The following LRBA variants were observed in gnomAD, a reference collection of about 807,000 sequenced individuals.
The protein encoded by LRBA is lipopolysaccharide-responsive and beige-like anchor protein.
Under a neutral mutation model 330.0 loss-of-function variants are expected in LRBA, and 176 were observed. That is an observed-to-expected ratio of 0.53 (90% CI 0.47 to 0.60). LRBA has a LOEUF of 0.60. LRBA is among the 20% of genes least tolerant of loss of function. The pLI is 0.00. For missense variants in LRBA, 3,259 were observed against 3,444.8 expected (o/e 0.95, Z 1.35); for synonymous variants, 1,230 against 1,193.0 (o/e 1.03, Z -0.64).
intron 41 of LRBA, among the ~76,000 whole-genome samples, chr4:150,490,260 T>C (rs1222497880): frequency 6.6e-6 from 1 of 151,812 alleles, no homozygotes; most frequent in African/African-American, 2.4e-5. Flanking sequence ...CATCAACCCA[T>C]GTATATATAA....
chr4:150,922,228 C>G (rs1013195875), intron 4 of LRBA, among the ~76,000 whole-genome samples: 1 of 151,982 alleles, frequency 6.6e-6, no homozygotes, highest in Non-Finnish European at 1.5e-5. Flanking sequence ...ATTAAAAATA[C>G]TTAATAATTT....
chr4:150,458,985 T>C (rs2152045277), intron 44 of LRBA, among the ~76,000 whole-genome samples: 1 of 152,040 alleles, frequency 6.6e-6, no homozygotes, highest in South Asian at 2.1e-4. Flanking sequence ...CCATAAGTAG[T>C]GATGTGAACT....
rs560391809 is a variant in LRBA, at chr4:150,419,442, T to C, written c.7042-3852A>G. On this transcript the variant is annotated intron_variant, in intron 46 of 56. Coordinates refer to ENST00000651943, the MANE Select transcript of LRBA (RefSeq NM_001364905.1). ...CTAGGTATCACACAAGCCTGGACTC[T>C]CATTCAAGCCTTGAGAAAAGAAGGT... 2.6e-5 allele frequency among the ~76,000 whole-genome samples: 4 copies of C among 152,228 alleles called. No individual in the cohort carries two copies. The South Asian group carries it at 8.3e-4, about 32-fold the overall frequency.
chr4:150,869,024 T>G (rs1753087856), intron 20 of LRBA, among the ~76,000 whole-genome samples: 1 of 152,152 alleles, frequency 6.6e-6, no homozygotes. Flanking sequence ...CATCATAATT[T>G]ATGGTATGCA....
chr4:150,446,900 T>C (rs1415156124), intron 44 of LRBA, among the ~76,000 whole-genome samples: 2 of 152,166 alleles, frequency 1.3e-5, no homozygotes, highest in Non-Finnish European at 2.9e-5. Context: ...AAAATTTTAT[T>C]GTACTTTTCC....
intron 33 of LRBA, among the ~76,000 whole-genome samples, chr4:150,800,048 A>T (rs1308467302): frequency 6.6e-6 from 1 of 152,180 alleles, no homozygotes; most frequent in Non-Finnish European, 1.5e-5. Context: ...CCTGGCCCAT[A>T]TACCTATATA....
At chr4:150,976,855 C>T (rs979795204) in intron 2 of LRBA, among the ~76,000 whole-genome samples, 1 of 152,166 alleles carries the variant, frequency 6.6e-6, no homozygotes, top group East Asian at 1.9e-4. Context: ...CAGTGCTGCC[C>T]TGTCACAGCG....
chr4:150,968,002 C>CTTTTTT (rs35023986), intron 2 of LRBA, among the ~76,000 whole-genome samples: 1 of 126,082 alleles, frequency 7.9e-6, no homozygotes, highest in East Asian at 2.3e-4. Context: ...ATTTGCACAT[C>CTTTTTT]TTTTTTTTTT....
At chr4:150,345,936 T>A (rs1736232878) in intron 48 of LRBA, among the ~76,000 whole-genome samples, 1 of 151,866 alleles carries the variant, frequency 6.6e-6, no homozygotes, top group Non-Finnish European at 1.5e-5. Context: ...CAGCACCCAA[T>A]AGCTGGAATT....
At chr4:150,726,363 T>G (rs899860670) in intron 36 of LRBA, among the ~76,000 whole-genome samples, 3 of 152,040 alleles carry the variant, frequency 2.0e-5, no homozygotes, top group Non-Finnish European at 4.4e-5. Flanking sequence ...TCAGATAAAA[T>G]AGATTTCAAG....
chr4:150,986,481 C>A (rs1370542790), intron 2 of LRBA, among the ~76,000 whole-genome samples: 1 of 152,102 alleles, frequency 6.6e-6, no homozygotes, highest in Non-Finnish European at 1.5e-5. Flanking sequence ...CCTTCTTAAC[C>A]ATCAGAGGAT....
intron 56 of LRBA, among the ~76,000 whole-genome samples, chr4:150,272,413 C>T (rs1015268434): frequency 1.3e-5 from 2 of 152,078 alleles, no homozygotes; most frequent in Non-Finnish European, 2.9e-5. Context: ...CAGAATGCCT[C>T]TTCTCCAAAG....
At chr4:150,762,615 C>G (rs1044825775) in intron 34 of LRBA, among the ~76,000 whole-genome samples, 1 of 151,720 alleles carries the variant, frequency 6.6e-6, no homozygotes, top group Non-Finnish European at 1.5e-5. Flanking sequence ...CTCGTGAATG[C>G]CACTTGTGTG....
At chr4:150,661,095 A>C (rs1781036540) in intron 37 of LRBA, among the ~76,000 whole-genome samples, 1 of 150,282 alleles carries the variant, frequency 6.7e-6, no homozygotes, top group Non-Finnish European at 1.5e-5. Context: ...AAAAAAAAAA[A>C]AAAAAGTTTC....
At chr4:150,781,627 T>C (rs1738241050) in intron 34 of LRBA, among the ~76,000 whole-genome samples, 1 of 152,172 alleles carries the variant, frequency 6.6e-6, no homozygotes. Context: ...AAATAATAAA[T>C]GATGAAATAC....
Position 150,294,783 on chromosome 4 carries a change from C to T in LRBA, c.8017+7842G>A, listed in dbSNP as rs565691886. The stretch of plus-strand genomic sequence containing the variant: ...TGGCCAACATGGTGAAACCCTGTCT[C>T]TACTAAAAATACAAAAAAATTATCT... On this transcript the variant is annotated intron_variant, in intron 53 of 56. Transcript: ENST00000651943. Among the ~76,000 whole-genome samples the T allele has an allele frequency of 4.6e-5, 7 of 152,294 alleles. No individual in the cohort carries two copies. In the East Asian group the frequency reaches 5.8e-4, roughly 13 times the overall value.
chr4:150,507,955 T>A (rs1761319783), intron 40 of LRBA, among the ~76,000 whole-genome samples: 1 of 151,676 alleles, frequency 6.6e-6, no homozygotes, highest in Non-Finnish European at 1.5e-5. Flanking sequence ...GAAACCATCA[T>A]TCTCAGCAAA....
chr4:150,605,698 T>C (rs1048362393), intron 37 of LRBA, among the ~76,000 whole-genome samples: 1 of 152,024 alleles, frequency 6.6e-6, no homozygotes, highest in Non-Finnish European at 1.5e-5. Flanking sequence ...TGTATAAATC[T>C]TGGTGAAATA....
intron 2 of LRBA, chr4:151,012,808 C>CCTTTTTTTTTTTTTTTT (rs1745003916): frequency 8.0e-6 from 1 of 124,576 alleles, no homozygotes; most frequent in African/African-American, 3.1e-5. Flanking sequence ...AAGTGAATTT[C>CCTTTTTTTTTTTTTTTT]TTTTTTTTTT....
Sources: allele counts gnomAD v4.1 joint callset (sites outside exome capture counted in the v4.1 genomes callset), GRCh38; gene constraint gnomAD v4.1.1; transcripts MANE v1.5; gene names NCBI Gene and HGNC (gene_info 2026-07-23, HGNC 2026-07-21).